Variants in SSX1 observed in about 807,000 individuals in gnomAD.
SSX1 encodes SSX family member 1.
A neutral mutation model predicts 14.6 loss-of-function variants in SSX1; 58 were observed. The observed-to-expected ratio is 3.96, with a 90% CI of 3.21 to 4.93. SSX1 has a LOEUF of 4.93. Ranked by LOEUF, SSX1 falls within the 30% of genes most tolerant of loss-of-function variation. The probability of loss-of-function intolerance (pLI) is 0.00; values close to 1 mark genes in which losing one functional copy is unlikely to be tolerated. For synonymous variants in SSX1, 46 were observed against 52.1 expected, an observed-to-expected ratio of 0.88 and a Z score of 0.50; for missense variants, 272 against 143.1, an observed-to-expected ratio of 1.90 and a Z score of -4.60.
Position 48,263,837 on chromosome X carries a change from C to T in SSX1, c.386C>T (p.Ala129Val). ...AATGATTCGAAGGGAGTGTCAGAAG[C>T]ATCTGGCCCACAAAACGATGGGAAA... ...DENDSKGVSE[A>V]SGPQNDGKQL... The change falls in exon 6 of 8, where the codon GCA (alanine) becomes GTA (valine). Residue 129 changes from alanine (A) to valine (V), a missense_variant. Coordinates refer to ENST00000376919, the MANE Select transcript of SSX1 (RefSeq NM_005635.4). 8 of 1,211,581 alleles carry T rather than the reference C, an allele frequency of 6.6e-6. No homozygotes were observed. The highest frequency in any genetic ancestry group is 8.9e-6 in the Non-Finnish European group (8 of 895,318).
intron 1 of SSX1, among the ~76,000 whole-genome samples, chrX:48,256,382 C>T (rs187295107): frequency 0.013 from 1,369 of 106,324 alleles, 18 homozygotes; most frequent in Non-Finnish European, 0.022. Context: ...TCAAGCGATC[C>T]GCCCCCCCTT....
chrX:48,264,017 C>T (rs1401230224), intron 6 of SSX1, 100 bp downstream of exon 6: 1 of 1,130,357 alleles, frequency 8.8e-7, no homozygotes, highest in South Asian at 2.2e-5. Context: ...AGCCTGGGTC[C>T]AGGCTGGGCT....
chrX:48,263,377 A>G (rs2059611787), intron 5 of SSX1, among the ~76,000 whole-genome samples: 1 of 110,278 alleles, frequency 9.1e-6, no homozygotes, highest in East Asian at 2.8e-4. Flanking sequence ...TCCCCTCCCT[A>G]TGTTTTTACA....
At chrX:48,259,999 T>C (rs1236337757) in intron 4 of SSX1, among the ~76,000 whole-genome samples, 1 of 100,943 alleles carries the variant, frequency 9.9e-6, no homozygotes, top group Admixed American at 1.1e-4. Context: ...ATGGTATTTC[T>C]AGTTCTAGAT....
At chrX:48,255,894 CTTTT>C (rs782152875) in intron 1 of SSX1, among the ~76,000 whole-genome samples, 1 of 77,536 alleles carries the variant, frequency 1.3e-5, no homozygotes. Flanking sequence ...CCTGCCCATG[CTTTT>C]TTTTTTTTTT....
In SSX1 at chrX:48,263,423, G is replaced by A. The variant is rs138274306; in HGVS notation, c.331-359G>A. ...CAGCAGCTGTCTACGAGCTTATATG[G>A]GATCCCTTGTATTTTATAGAAGCTC... On this transcript the variant is annotated intron_variant, in intron 5 of 7. Coordinates refer to ENST00000376919, the MANE Select transcript of SSX1 (RefSeq NM_005635.4). Among the ~76,000 whole-genome samples the A allele has an allele frequency of 6.3e-3, 670 of 106,966 alleles. 8 individuals are homozygous for A. The highest frequency in any genetic ancestry group is 0.021 in the African/African-American group (628 of 29,565). 92.9% of individuals were successfully genotyped at this position (106,966 alleles called of 115,157 possible).
intron 4 of SSX1, among the ~76,000 whole-genome samples, 154 bp from the exon 5 acceptor site, chrX:48,261,612 T>C (rs2059604001): frequency 8.9e-6 from 1 of 112,370 alleles, no homozygotes; most frequent in African/African-American, 3.2e-5. Flanking sequence ...GAACCAACCA[T>C]GACTAAACAT....
chrX:48,267,278 C>CACACACACACACACA lies in SSX1; in HGVS notation c.*429_*430insACACACACACACACA. ...ATTTACACACACACACACACACACA[C>CACACACACACACACA]GCACACACACACACCAAGTACCAGT... On this transcript the variant is annotated 3_prime_UTR_variant, in exon 8 of 8. Coordinates refer to ENST00000376919, the MANE Select transcript of SSX1 (RefSeq NM_005635.4). 1 of 236,812 alleles carries CACACACACACACACA rather than the reference C, an allele frequency of 4.2e-6. No homozygotes were observed. Among genetic ancestry groups the CACACACACACACACA allele is most frequent in the Non-Finnish European group, 7.6e-6 (1 of 132,367 alleles). The allele number at this position is 236,812 out of a possible 1,213,427, so 19.5% of individuals were successfully genotyped here.
intron 6 of SSX1, among the ~76,000 whole-genome samples, chrX:48,264,323 T>A (rs1264318240): frequency 1.8e-5 from 2 of 112,095 alleles, no homozygotes; most frequent in Non-Finnish European, 3.8e-5. Context: ...CAGGTGTACT[T>A]CAGAGATATT....
In SSX1 at chrX:48,261,789, G is replaced by A. The variant is rs377631548; in HGVS notation, c.304G>A (p.Gly102Ser). 180 of 1,208,953 alleles carry A rather than the reference G, an allele frequency of 1.5e-4. 1 individual carries two copies. The highest frequency in any genetic ancestry group is 1.9e-4 in the Non-Finnish European group (169 of 894,658). Residue 102 changes from glycine to serine, a missense_variant, in exon 5 of 8, where the codon GGC (glycine) becomes AGC (serine). By Grantham distance (56) the Gly-to-Ser change is moderately conservative. Transcript: ENST00000376919. The stretch of plus-strand genomic sequence containing the variant: ...AGTTGAACATCCTCAGATGACTTTC[G>A]GCAGGCTCCACAGAATCATCCCGAA... Reference protein sequence around the residue: ...IQVEHPQMTFGRLHRIIPKIM... With the variant: ...IQVEHPQMTFSRLHRIIPKIM...
intron 4 of SSX1, among the ~76,000 whole-genome samples, chrX:48,261,389 C>G (rs2059603239): frequency 8.9e-6 from 1 of 112,256 alleles, no homozygotes; most frequent in Admixed American, 9.5e-5. Context: ...CAGCTTAATT[C>G]ACATACCATA....
intron 6 of SSX1, among the ~76,000 whole-genome samples, chrX:48,264,819 T>G (rs1259130170): frequency 8.9e-6 from 1 of 112,865 alleles, no homozygotes; most frequent in African/African-American, 3.2e-5. Context: ...AAAAGGCTGT[T>G]TAATCTATAT....
intron 6 of SSX1, among the ~76,000 whole-genome samples, chrX:48,265,344 A>AT (rs2059619152): frequency 8.9e-6 from 1 of 111,746 alleles, no homozygotes; most frequent in Admixed American, 9.6e-5. Flanking sequence ...CCATTTCTAG[A>AT]TTCTGATTTA....
At chrX:48,255,617 A>G (rs1290958720) in intron 1 of SSX1, among the ~76,000 whole-genome samples, 185 bp downstream of exon 1, 12 of 99,331 alleles carry the variant, frequency 1.2e-4, no homozygotes, top group African/African-American at 4.5e-4. Flanking sequence ...ACAGGCCTGT[A>G]TTATCCCACC....
Position 48,266,267 on chromosome X carries a change from C to T in SSX1, c.467-20C>T, listed in dbSNP as rs782136182. On this transcript the variant is annotated intron_variant, in intron 6 of 7. Transcript: ENST00000376919. ...CTTCAACGTACCCAACCCTCATCTT[C>T]CAACTCTTCTCCATCATAGGACCCA... is the stretch of plus-strand genomic sequence containing the variant. The T allele has an allele frequency of 1.8e-5, 22 of 1,209,938 alleles. No individual in the cohort carries two copies. The highest frequency in any genetic ancestry group is 2.3e-5 in the Non-Finnish European group (21 of 895,282).
intron 6 of SSX1, among the ~76,000 whole-genome samples, chrX:48,265,369 G>T (rs781987510): frequency 6.3e-5 from 7 of 111,748 alleles, no homozygotes; most frequent in African/African-American, 1.9e-4. Context: ...GAGAGAATGC[G>T]ACTCTTCCTT....
In SSX1 at chrX:48,266,825, C is replaced by G. The variant is rs1408133042; in HGVS notation, c.*5-29C>G. The G allele has an allele frequency of 4.8e-5, 46 of 951,561 alleles. 1 individual carries two copies. Among genetic ancestry groups the G allele is most frequent in the South Asian group, 9.8e-5 (5 of 51,025 alleles). 78.4% of individuals were successfully genotyped at this position (951,561 alleles called of 1,213,427 possible). ...ATTGGGCAGTGGGAACTCGCTGTCACTTACTTTCCTTCCCTCTTCTCGCCT... is the reference window on the plus strand; with the variant it reads ...ATTGGGCAGTGGGAACTCGCTGTCAGTTACTTTCCTTCCCTCTTCTCGCCT... On this transcript the variant is annotated intron_variant, in intron 7 of 7. Transcript: ENST00000376919.
chrX:48,266,021 T>C (rs1167436820), intron 6 of SSX1, among the ~76,000 whole-genome samples: 1 of 111,366 alleles, frequency 9.0e-6, no homozygotes, highest in Non-Finnish European at 1.9e-5. Context: ...TGAAAGGAGG[T>C]ATCGGTGAAT....
chrX:48,266,975 C>T lies in SSX1; in HGVS notation c.*126C>T, dbSNP rs782754071. 3.3e-4 allele frequency: 244 copies of T among 738,933 alleles called. 1 individual carries two copies. Among genetic ancestry groups the T allele is most frequent in the East Asian group, 1.0e-3 (32 of 30,499 alleles). 60.9% of individuals were successfully genotyped at this position (738,933 alleles called of 1,213,427 possible). ...AGCAAGTGAAAGCAAGTGTTCACAA[C>T]GGTGAAACTTGAGCGTCATTTTTCT... On this transcript the variant is annotated 3_prime_UTR_variant, in exon 8 of 8. Transcript: ENST00000376919.
Sources: gnomAD v4.1 joint callset for allele counts (sites outside exome capture counted in the v4.1 genomes callset) on GRCh38, gnomAD v4.1.1 for gene constraint, MANE v1.5 for transcripts, NCBI Gene and HGNC (gene_info 2026-07-23, HGNC 2026-07-21) for gene names.